CCDC68: variants seen among roughly 807,000 people sequenced by gnomAD.
CCDC68 encodes the protein coiled-coil domain containing 68.
Under a neutral mutation model 47.1 loss-of-function variants are expected in CCDC68, and 45 were observed. The observed-to-expected ratio is 0.96, with a 90% CI of 0.75 to 1.23. The LOEUF (loss-of-function observed/expected upper bound fraction) is 1.23, where lower values mean the gene tolerates loss of function less well. Ranked by LOEUF, CCDC68 falls within the 50% of genes most tolerant of loss-of-function variation. The probability of loss-of-function intolerance (pLI) is 0.00; values close to 1 mark genes in which losing one functional copy is unlikely to be tolerated. For synonymous variants in CCDC68, 131 were observed against 129.5 expected, an observed-to-expected ratio of 1.01 and a Z score of -0.08; for missense variants, 353 against 373.6, an observed-to-expected ratio of 0.94 and a Z score of 0.45.
intron 1 of CCDC68, among the ~76,000 whole-genome samples, chr18:54,954,984 T>C (rs1046797880): frequency 1.5e-5 from 2 of 132,562 alleles, no homozygotes; most frequent in Admixed American, 1.6e-4. Flanking sequence ...TTTCAAATTG[T>C]AGATGTTAAA....
At chr18:54,909,528 G>A (rs572704943) in intron 10 of CCDC68, among the ~76,000 whole-genome samples, 21 of 152,136 alleles carry the variant, frequency 1.4e-4, no homozygotes, top group Non-Finnish European at 2.9e-4. Context: ...ACTTGGTTCC[G>A]TTGGGCTCAT....
chr18:54,921,817 A>C (rs570218787), intron 8 of CCDC68, among the ~76,000 whole-genome samples: 1 of 152,360 alleles, frequency 6.6e-6, no homozygotes, highest in South Asian at 2.1e-4. Context: ...TGCAGGCTGA[A>C]GGAAGATCAC....
chr18:54,936,632 C>A (rs894808521), intron 6 of CCDC68, among the ~76,000 whole-genome samples: 1 of 152,182 alleles, frequency 6.6e-6, no homozygotes, highest in African/African-American at 2.4e-5. Context: ...TGCAACACAG[C>A]AGCTCAGCAA....
intron 1 of CCDC68, among the ~76,000 whole-genome samples, chr18:54,956,242 C>T (rs980059909): frequency 2.0e-5 from 3 of 152,234 alleles, no homozygotes; most frequent in African/African-American, 7.2e-5. Flanking sequence ...CCCAGCTCAG[C>T]CTCCCAAAAT....
chr18:54,907,938 C>G, intron 10 of CCDC68, 76 bp from the exon 11 acceptor site: 1 of 816,770 alleles, frequency 1.2e-6, no homozygotes, highest in Non-Finnish European at 2.1e-6. Flanking sequence ...TCTATTCAAC[C>G]CAACACCTGC....
chr18:54,943,218 C>T (rs1179281999), intron 2 of CCDC68, among the ~76,000 whole-genome samples: 2 of 152,050 alleles, frequency 1.3e-5, no homozygotes, highest in African/African-American at 4.8e-5. Context: ...CATACATAGT[C>T]TGCAAAGCCT....
chr18:54,949,034 C>A (rs1158913857), intron 1 of CCDC68, among the ~76,000 whole-genome samples: 2 of 152,146 alleles, frequency 1.3e-5, no homozygotes, highest in Admixed American at 1.3e-4. Flanking sequence ...CACTCTCTTG[C>A]CCAGGTTTGA....
chr18:54,921,307 G>A (rs1427655163), intron 8 of CCDC68, among the ~76,000 whole-genome samples: 4 of 152,040 alleles, frequency 2.6e-5, no homozygotes, highest in Admixed American at 6.6e-5. Flanking sequence ...ATATACCCAC[G>A]TAACAAACCT....
chr18:54,918,605 T>C (rs2043996250), intron 9 of CCDC68, among the ~76,000 whole-genome samples: 1 of 152,220 alleles, frequency 6.6e-6, no homozygotes, highest in African/African-American at 2.4e-5. Context: ...CACTACTCAA[T>C]TCTCTGGCCT....
intron 1 of CCDC68, among the ~76,000 whole-genome samples, chr18:54,948,946 G>C (rs964599494): frequency 2.6e-5 from 4 of 152,170 alleles, no homozygotes; most frequent in Admixed American, 6.5e-5. Context: ...CAGGCAAATG[G>C]GAAAGCAAGA....
chr18:54,954,178 C>T (rs2044673687), intron 1 of CCDC68, among the ~76,000 whole-genome samples: 1 of 151,852 alleles, frequency 6.6e-6, no homozygotes, highest in Admixed American at 6.6e-5. Context: ...GCCTCAGCCT[C>T]CCGAGTAGCT....
intron 9 of CCDC68, 47 bp from the exon 10 acceptor site, chr18:54,918,043 A>C (rs764818448): frequency 4.7e-5 from 36 of 773,016 alleles, no homozygotes; most frequent in Non-Finnish European, 2.1e-6. Context: ...AGACCACAGG[A>C]AATAGTTACT....
chr18:54,941,039 A>G lies in CCDC68; in HGVS notation c.162T>C (p.Asp54=), dbSNP rs1164445991. The G allele has an allele frequency of 8.7e-6, 14 of 1,612,654 alleles. No individual in the cohort carries two copies. The East Asian group carries it at 2.2e-4, about 26-fold the overall frequency. The change falls in exon 4 of 12, where the codon GAT becomes GAC. Residue 54 remains aspartate (D), a synonymous_variant. Transcript: ENST00000591504. ...GATTTGTACTGTCATGTCTTATTTC[A>G]TCTTTAAACATCTGGGTCCTGATCT... ...LQKIRTQMFK[D]EIRHDSTNHK...
chr18:54,956,146 C>G (rs903558768), intron 1 of CCDC68, among the ~76,000 whole-genome samples: 13 of 152,160 alleles, frequency 8.5e-5, no homozygotes, highest in Non-Finnish European at 1.8e-4. Context: ...CATGCCACCA[C>G]GCCCAGGTGA....
rs767129764 is a variant in CCDC68, at chr18:54,936,956, C to A, written c.348G>T (p.Leu116=). 1 of 1,613,726 alleles carries A rather than the reference C, an allele frequency of 6.2e-7. No homozygotes were observed. Among genetic ancestry groups the A allele is most frequent in the Non-Finnish European group, 8.5e-7 (1 of 1,179,880 alleles). The change falls in exon 6 of 12, where the codon CTG becomes CTT. Residue 116 remains leucine (L), a splice_region_variant and synonymous_variant. Coordinates refer to ENST00000591504, the MANE Select transcript of CCDC68 (RefSeq NM_025214.3). The stretch of plus-strand genomic sequence containing the variant: ...CTGCTCCTGCTTCTCTGGAGGCTTG[C>A]AGCTAGAAAAAAGGTCACTATGCAT... ...NKENEVLKIK[L]QASREAGAAA...
chr18:54,937,170 T>A (rs991961642), intron 5 of CCDC68: 1 of 530,718 alleles, frequency 1.9e-6, no homozygotes, highest in South Asian at 2.1e-5. Context: ...ACAGGCAGAT[T>A]TGCCATAGTC....
At chr18:54,923,405 C>T (rs2044094099) in intron 8 of CCDC68, among the ~76,000 whole-genome samples, 1 of 150,918 alleles carries the variant, frequency 6.6e-6, no homozygotes, top group African/African-American at 2.4e-5. Flanking sequence ...TTCCCATGTA[C>T]TCCTTGAAGG....
At position 54,937,954 on chromosome 18, in the gene CCDC68, T is replaced by C. The variant is rs753360997; in HGVS notation, c.345+3A>G. 1 of 1,609,422 alleles carries C rather than the reference T, an allele frequency of 6.2e-7. No individual in the cohort carries two copies. Among genetic ancestry groups the C allele is most frequent in the South Asian group, 1.1e-5 (1 of 89,880 alleles). ...CAAAATTTGAAACTTCTAAAAGTCATACCTTGATTTTCAATACTTCATTCT... is the reference window on the plus strand; with the variant it reads ...CAAAATTTGAAACTTCTAAAAGTCACACCTTGATTTTCAATACTTCATTCT... On this transcript the variant is annotated splice_donor_region_variant and intron_variant, in intron 5 of 11. Coordinates refer to ENST00000591504, the MANE Select transcript of CCDC68 (RefSeq NM_025214.3).
intron 5 of CCDC68, chr18:54,937,379 T>C (rs2044367009): frequency 1.3e-5 from 2 of 156,584 alleles, no homozygotes; most frequent in African/African-American, 4.8e-5. Flanking sequence ...AATGCTAAAA[T>C]GTTATGAATC....
Sources: gnomAD v4.1 joint callset for allele counts (sites outside exome capture counted in the v4.1 genomes callset) on GRCh38, gnomAD v4.1.1 for gene constraint, MANE v1.5 for transcripts, NCBI Gene and HGNC (gene_info 2026-07-23, HGNC 2026-07-21) for gene names.